Variants in ELAPOR2 observed in about 807,000 individuals in gnomAD.
The protein encoded by ELAPOR2 is endosome/lysosome-associated apoptosis and autophagy regulator family member 2.
Under a neutral mutation model 120.7 loss-of-function variants are expected in ELAPOR2, and 89 were observed. The observed-to-expected ratio is 0.74, with a 90% CI of 0.62 to 0.88. ELAPOR2 has a LOEUF of 0.88. ELAPOR2 is among the 40% of genes least tolerant of loss of function. ELAPOR2 has a pLI of 0.00. For synonymous variants in ELAPOR2, 444 were observed against 444.9 expected, an observed-to-expected ratio of 1.00 and a Z score of 0.03; for missense variants, 1,134 against 1,251.6, an observed-to-expected ratio of 0.91 and a Z score of 1.42.
intron 13 of ELAPOR2, 146 bp from the exon 14 acceptor site, chr7:86,913,350 T>G (rs983629126): frequency 1.3e-6 from 1 of 750,070 alleles, no homozygotes; most frequent in Non-Finnish European, 2.1e-6. Flanking sequence ...ATATCACTGC[T>G]ATTTGGTTCT....
intron 1 of ELAPOR2, among the ~76,000 whole-genome samples, chr7:86,974,052 T>C (rs1435080668): frequency 6.6e-6 from 1 of 152,150 alleles, no homozygotes; most frequent in Non-Finnish European, 1.5e-5. Flanking sequence ...TCTTTTTTTT[T>C]TAATTCCAAA....
chr7:87,039,583 G>A (rs1794695530), intron 1 of ELAPOR2, among the ~76,000 whole-genome samples: 1 of 152,154 alleles, frequency 6.6e-6, no homozygotes, highest in South Asian at 2.1e-4. Flanking sequence ...TTATCCCTGG[G>A]ATGCAAGGAT....
intron 2 of ELAPOR2, among the ~76,000 whole-genome samples, chr7:86,953,592 A>G (rs1791355111): frequency 6.6e-6 from 1 of 152,184 alleles, no homozygotes; most frequent in South Asian, 2.1e-4. Flanking sequence ...AGCATACAAC[A>G]TAGGAACCCT....
chr7:86,906,977 C>T (rs1789050409), intron 18 of ELAPOR2, among the ~76,000 whole-genome samples: 1 of 152,094 alleles, frequency 6.6e-6, no homozygotes, highest in Non-Finnish European at 1.5e-5. Flanking sequence ...ATTCAAGTGT[C>T]ACTCATGCTA....
At chr7:87,009,402 A>C (rs1793584022) in intron 1 of ELAPOR2, among the ~76,000 whole-genome samples, 1 of 152,196 alleles carries the variant, frequency 6.6e-6, no homozygotes, top group Non-Finnish European at 1.5e-5. Context: ...TAAGAAACAA[A>C]TTACAGGATT....
intron 21 of ELAPOR2, among the ~76,000 whole-genome samples, chr7:86,885,216 C>T (rs1323608454): frequency 2.6e-5 from 4 of 152,074 alleles, no homozygotes; most frequent in Admixed American, 2.6e-4. Flanking sequence ...AACATGTCTC[C>T]AATATGCAAG....
rs536142762 is a variant in ELAPOR2 at position 86,910,813 on chromosome 7, G to A, written c.2170-812C>T. Among the ~76,000 whole-genome samples the A allele has an allele frequency of 1.1e-3, 166 of 152,156 alleles. 5 individuals carry two copies. In the South Asian group the frequency reaches 0.032, roughly 29 times the overall value. On this transcript the variant is annotated intron_variant, in intron 15 of 21. Transcript: ENST00000450689. ...TTAGATATAGAGTGTACACAGATGT[G>A]TAAAAAGAAAAGTATAAAAGTTTAT...
At chr7:87,028,530 A>G (rs1012124462) in intron 1 of ELAPOR2, among the ~76,000 whole-genome samples, 4 of 152,042 alleles carry the variant, frequency 2.6e-5, no homozygotes, top group African/African-American at 9.7e-5. Context: ...CATATATATA[A>G]ATATATTTTA....
At chr7:87,009,267 C>T (rs901515599) in intron 1 of ELAPOR2, among the ~76,000 whole-genome samples, 9 of 152,108 alleles carry the variant, frequency 5.9e-5, no homozygotes, top group African/African-American at 2.2e-4. Context: ...CCTGGGAGAT[C>T]CCACAGTGGC....
At chr7:86,958,773 G>A (rs1279398039) in intron 2 of ELAPOR2, among the ~76,000 whole-genome samples, 1 of 152,188 alleles carries the variant, frequency 6.6e-6, no homozygotes, top group Non-Finnish European at 1.5e-5. Flanking sequence ...AAAGTGTGAT[G>A]CTTCCAGCTT....
chr7:86,920,387 A>G (rs888379829), intron 10 of ELAPOR2, among the ~76,000 whole-genome samples: 1 of 152,146 alleles, frequency 6.6e-6, no homozygotes, highest in African/African-American at 2.4e-5. Context: ...AAGCAATATG[A>G]GAGGCACTTA....
intron 8 of ELAPOR2, among the ~76,000 whole-genome samples, chr7:86,929,722 C>A (rs1045628529): frequency 1.3e-5 from 2 of 151,916 alleles, no homozygotes; most frequent in Non-Finnish European, 2.9e-5. Context: ...TGTCCCCATG[C>A]AAGTCTTATG....
At chr7:87,038,447 T>C (rs1794656220) in intron 1 of ELAPOR2, among the ~76,000 whole-genome samples, 1 of 152,020 alleles carries the variant, frequency 6.6e-6, no homozygotes. Context: ...AACACCTAAA[T>C]AGGAAATCTC....
At chr7:87,004,153 G>A (rs910597379) in intron 1 of ELAPOR2, among the ~76,000 whole-genome samples, 6 of 152,164 alleles carry the variant, frequency 3.9e-5, no homozygotes, top group South Asian at 2.1e-4. Flanking sequence ...TGCAGGAGCC[G>A]AGAAGATAAT....
chr7:87,011,673 C>T (rs1383509145), intron 1 of ELAPOR2, among the ~76,000 whole-genome samples: 1 of 152,166 alleles, frequency 6.6e-6, no homozygotes, highest in Non-Finnish European at 1.5e-5. Flanking sequence ...CACATAACAA[C>T]CACCTATAAT....
intron 2 of ELAPOR2, among the ~76,000 whole-genome samples, chr7:86,951,853 C>A (rs1363909316): frequency 2.6e-5 from 4 of 152,184 alleles, no homozygotes; most frequent in Non-Finnish European, 2.9e-5. Flanking sequence ...GCCAACAGAA[C>A]TATAACTCAT....
intron 15 of ELAPOR2, chr7:86,911,847 A>G: frequency 8.5e-6 from 5 of 590,448 alleles, no homozygotes; most frequent in South Asian, 1.9e-5. Context: ...TCAGGTTTCA[A>G]CTGACTGCAT....
intron 19 of ELAPOR2, among the ~76,000 whole-genome samples, chr7:86,896,026 T>C (rs1439944920): frequency 6.6e-6 from 1 of 152,126 alleles, no homozygotes; most frequent in Non-Finnish European, 1.5e-5. Flanking sequence ...GTCTCAGCAG[T>C]GTGCTAGCTG....
chr7:86,919,320 A>G lies in ELAPOR2; in HGVS notation c.1400-10T>C. 1 of 1,545,390 alleles carries G rather than the reference A, an allele frequency of 6.5e-7. No individual in the cohort carries two copies. The highest frequency in any genetic ancestry group is 1.2e-5 in the South Asian group (1 of 83,404). ...CCAGCCACCTCCCAACCTAGAAGTA[A>G]TAAAAGTCATTTTTATTAATAAAAA... is the stretch of plus-strand genomic sequence containing the variant. On this transcript the variant is annotated splice_polypyrimidine_tract_variant and intron_variant, in intron 10 of 21. Coordinates refer to ENST00000450689, the MANE Select transcript of ELAPOR2 (RefSeq NM_001142749.3).
Sources: allele counts gnomAD v4.1 joint callset (sites outside exome capture counted in the v4.1 genomes callset), GRCh38; gene constraint gnomAD v4.1.1; transcripts MANE v1.5; gene names NCBI Gene and HGNC (gene_info 2026-07-23, HGNC 2026-07-21).